ATF6: variants seen among roughly 807,000 people sequenced by gnomAD.
ATF6 encodes activating transcription factor 6.
Under a neutral mutation model 83.6 loss-of-function variants are expected in ATF6, and 53 were observed. The observed-to-expected ratio is 0.63, with a 90% CI of 0.51 to 0.80. ATF6 has a LOEUF of 0.80. Ranked by LOEUF, ATF6 falls within the 30% of genes least tolerant of loss-of-function variation. The probability of loss-of-function intolerance (pLI) is 0.00; values close to 1 mark genes in which losing one functional copy is unlikely to be tolerated. For synonymous variants in ATF6, 288 were observed against 285.8 expected (o/e 1.01, Z -0.08); for missense variants, 744 against 797.9 (o/e 0.93, Z 0.81).
At chr1:161,941,119 G>A (rs1243431095) in intron 15 of ATF6, among the ~76,000 whole-genome samples, 2 of 152,194 alleles carry the variant, frequency 1.3e-5, no homozygotes, top group African/African-American at 4.8e-5. Context: ...ACTCCCATTG[G>A]GAGAGCATCA....
chr1:161,805,377 G>A (rs935414846), intron 7 of ATF6, among the ~76,000 whole-genome samples: 1 of 152,140 alleles, frequency 6.6e-6, no homozygotes, highest in African/African-American at 2.4e-5. Flanking sequence ...TTAATGCAAA[G>A]AGACCTAAGG....
At chr1:161,780,400 G>A (rs749780707) in intron 2 of ATF6, among the ~76,000 whole-genome samples, 22 of 151,152 alleles carry the variant, frequency 1.5e-4, no homozygotes, top group Non-Finnish European at 3.1e-4. Flanking sequence ...TTGAGACGGA[G>A]TCTTGCTCTG....
intron 14 of ATF6, among the ~76,000 whole-genome samples, chr1:161,879,436 G>A (rs993620586): frequency 1.3e-5 from 2 of 152,066 alleles, no homozygotes; most frequent in Non-Finnish European, 2.9e-5. Context: ...CACAGCCCCT[G>A]TACTCAAGGA....
chr1:161,896,733 A>G (rs187659778), intron 14 of ATF6, among the ~76,000 whole-genome samples: 1 of 152,316 alleles, frequency 6.6e-6, no homozygotes, highest in Admixed American at 6.5e-5. Context: ...TGGAAAAATA[A>G]TATTGCTTTG....
At chr1:161,916,028 C>T (rs1688091497) in intron 15 of ATF6, among the ~76,000 whole-genome samples, 2 of 152,202 alleles carry the variant, frequency 1.3e-5, no homozygotes, top group Admixed American at 6.5e-5. Flanking sequence ...AAGACTTACA[C>T]TCACTGCTTC....
intron 9 of ATF6, among the ~76,000 whole-genome samples, chr1:161,837,347 A>G (rs60648532): frequency 3.8e-4 from 58 of 152,326 alleles, no homozygotes; most frequent in African/African-American, 1.3e-3. Context: ...TCATTCTACA[A>G]ATGGTTCTTA....
intron 15 of ATF6, among the ~76,000 whole-genome samples, chr1:161,929,834 A>G (rs966298423): frequency 1.2e-4 from 19 of 152,230 alleles, no homozygotes; most frequent in African/African-American, 4.6e-4. Flanking sequence ...CTCCAAAGTT[A>G]TAAAGTCCTA....
chr1:161,844,214 C>T (rs1686424667), intron 9 of ATF6, among the ~76,000 whole-genome samples: 1 of 152,112 alleles, frequency 6.6e-6, no homozygotes. Flanking sequence ...TGGACATTAC[C>T]TCTGAGAAGC....
At chr1:161,952,022 A>G (rs1279593768) in intron 15 of ATF6, among the ~76,000 whole-genome samples, 1 of 152,184 alleles carries the variant, frequency 6.6e-6, no homozygotes, top group Non-Finnish European at 1.5e-5. Context: ...AAGGTTACAA[A>G]TTGAGTGTGG....
chr1:161,849,644 C>G (rs533654629), intron 10 of ATF6, among the ~76,000 whole-genome samples: 1 of 152,048 alleles, frequency 6.6e-6, no homozygotes, highest in African/African-American at 2.4e-5. Context: ...TTTTTTTACC[C>G]AACTCTCAAG....
In ATF6 at chr1:161,766,459, A is replaced by C. The variant is rs1459821689; in HGVS notation, c.82+17A>C. On this transcript the variant is annotated intron_variant, in intron 1 of 15. Coordinates refer to ENST00000367942, the MANE Select transcript of ATF6 (RefSeq NM_007348.4). ...AAGATTGGGGTGAGTGGGATCTGAGAATGTACCAGGGTGGCTCGGGTTCGC... is the reference window on the plus strand; with the variant it reads ...AAGATTGGGGTGAGTGGGATCTGAGCATGTACCAGGGTGGCTCGGGTTCGC... 1 of 1,611,568 alleles carries C rather than the reference A, an allele frequency of 6.2e-7. No individual in the cohort carries two copies. Among genetic ancestry groups the C allele is most frequent in the Non-Finnish European group, 8.5e-7 (1 of 1,178,470 alleles).
At chr1:161,943,148 C>A (rs2101911639) in intron 15 of ATF6, among the ~76,000 whole-genome samples, 1 of 152,266 alleles carries the variant, frequency 6.6e-6, no homozygotes, top group Middle Eastern at 3.4e-3. Context: ...GCTACCACAC[C>A]CAGCCCCAAA....
chr1:161,892,797 C>G (rs928627822), intron 14 of ATF6, among the ~76,000 whole-genome samples: 1 of 152,084 alleles, frequency 6.6e-6, no homozygotes, highest in African/African-American at 2.4e-5. Flanking sequence ...GCCACCACAC[C>G]CAGCTAATTT....
At position 161,961,912 on chromosome 1, in the gene ATF6, G is replaced by C. The variant is rs1214328112; in HGVS notation, c.*3258G>C. The C allele has an allele frequency of 6.6e-6, 1 of 152,186 alleles. No homozygotes were observed. The highest frequency in any genetic ancestry group is 1.5e-5 in the Non-Finnish European group (1 of 68,024). 9.4% of individuals were successfully genotyped at this position (152,186 alleles called of 1,614,324 possible). ...GTTAGGAGCTTGTCCCTTTGGGGTT[G>C]ACTTATGCCCAGCAGTACAGGGACA... On this transcript the variant is annotated 3_prime_UTR_variant, in exon 16 of 16. Coordinates refer to ENST00000367942, the MANE Select transcript of ATF6 (RefSeq NM_007348.4).
At chr1:161,783,079 A>AGG (rs1394938287) in intron 3 of ATF6, among the ~76,000 whole-genome samples, 1 of 152,122 alleles carries the variant, frequency 6.6e-6, no homozygotes, top group Non-Finnish European at 1.5e-5. Flanking sequence ...GTGCCTGCAT[A>AGG]GGGCCTCTTT....
intron 15 of ATF6, among the ~76,000 whole-genome samples, chr1:161,937,347 T>TAAAA (rs35432799): frequency 2.7e-5 from 3 of 111,004 alleles, no homozygotes; most frequent in Non-Finnish European, 3.5e-5. Flanking sequence ...CCCTCTCAGT[T>TAAAA]AAAAAAAAAA....
rs1687286295 is a variant in ATF6 at position 161,879,726 on chromosome 1, A to C, written c.1719+16414A>C. On this transcript the variant is annotated intron_variant, in intron 14 of 15. Coordinates refer to ENST00000367942, the MANE Select transcript of ATF6 (RefSeq NM_007348.4). ...ATTATATCTTTATGCAGTAGCTTTT[A>C]TTTCTGCTGACATCATCAGGCATCT... Among the ~76,000 whole-genome samples, 4 of 151,992 alleles carry C rather than the reference A, an allele frequency of 2.6e-5. No homozygotes were observed. In the South Asian group the frequency reaches 8.3e-4, roughly 32 times the overall value.
intron 2 of ATF6, among the ~76,000 whole-genome samples, chr1:161,778,810 T>G (rs1289963939): frequency 6.6e-6 from 1 of 152,166 alleles, no homozygotes; most frequent in Non-Finnish European, 1.5e-5. Context: ...GTGAAAACTA[T>G]TATAACACTG....
intron 9 of ATF6, among the ~76,000 whole-genome samples, chr1:161,836,417 G>A (rs560624639): frequency 4.3e-4 from 66 of 152,206 alleles, no homozygotes; most frequent in African/African-American, 1.6e-3. Flanking sequence ...TTGAGTTTTT[G>A]GCTAAAAGTA....
Sources: gnomAD v4.1 joint callset for allele counts (sites outside exome capture counted in the v4.1 genomes callset) on GRCh38, gnomAD v4.1.1 for gene constraint, MANE v1.5 for transcripts, NCBI Gene and HGNC (gene_info 2026-07-23, HGNC 2026-07-21) for gene names.